ERBB4: variants seen among roughly 807,000 people sequenced by gnomAD.
The protein encoded by ERBB4 is receptor tyrosine-protein kinase erbB-4.
In ERBB4, 42 loss-of-function variants were observed where a neutral mutation model predicts 158.0. The observed-to-expected ratio is 0.27, with a 90% CI of 0.21 to 0.34. The LOEUF (loss-of-function observed/expected upper bound fraction) is 0.34. Ranked by LOEUF, ERBB4 falls within the 10% of genes least tolerant of loss-of-function variation. The pLI is 1.00. For missense variants in ERBB4, 1,333 were observed against 1,624.1 expected (o/e 0.82, Z 3.08); for synonymous variants, 583 against 558.7 (o/e 1.04, Z -0.61).
chr2:211,874,265 T>C (rs1402607839), intron 3 of ERBB4, among the ~76,000 whole-genome samples: 5 of 152,212 alleles, frequency 3.3e-5, no homozygotes, highest in Admixed American at 3.3e-4. Flanking sequence ...TAGCAGCCTC[T>C]AGTTCCTTTA....
At chr2:211,578,318 G>A (rs2067955225) in intron 19 of ERBB4, among the ~76,000 whole-genome samples, 1 of 152,074 alleles carries the variant, frequency 6.6e-6, no homozygotes, top group Non-Finnish European at 1.5e-5. Context: ...ACAAACAAGT[G>A]GAAACATATT....
intron 18 of ERBB4, 112 bp from the exon 19 acceptor site, chr2:211,619,387 C>G: frequency 1.5e-6 from 1 of 688,998 alleles, no homozygotes; most frequent in South Asian, 1.7e-5. Flanking sequence ...TTATTTAGCA[C>G]CTGTTACATG....
chr2:212,296,045 G>A (rs1169446171), intron 1 of ERBB4, among the ~76,000 whole-genome samples: 7 of 151,918 alleles, frequency 4.6e-5, no homozygotes. Context: ...AAGCTCTGTT[G>A]TCTTTCTGTA....
At chr2:212,187,421 T>TAATA (rs71054181) in intron 1 of ERBB4, among the ~76,000 whole-genome samples, 11,704 of 146,716 alleles carry the variant, frequency 0.08, 1,510 homozygotes, top group African/African-American at 0.27. Flanking sequence ...TAAAGTATAA[T>TAATA]AATAAATAAA....
chr2:211,430,865 G>T (rs199577245), intron 21 of ERBB4, 80 bp downstream of exon 21: 2 of 1,257,076 alleles, frequency 1.6e-6, no homozygotes, highest in Non-Finnish European at 2.3e-6. Flanking sequence ...AGGCTTATTG[G>T]TTTCTTGTAT....
At chr2:212,487,137 G>A (rs73067072) in intron 1 of ERBB4, among the ~76,000 whole-genome samples, 4,924 of 152,100 alleles carry the variant, frequency 0.032, 274 homozygotes, top group African/African-American at 0.11. Flanking sequence ...TTAATTCTCT[G>A]ATTCTACAAA....
chr2:211,621,196 TATTAA>T (rs1444243158), intron 18 of ERBB4, among the ~76,000 whole-genome samples: 1 of 152,012 alleles, frequency 6.6e-6, no homozygotes, highest in Non-Finnish European at 1.5e-5. Flanking sequence ...AATAAATATT[TATTAA>T]ATTATTCTTT....
chr2:212,204,270 G>T (rs531156430), intron 1 of ERBB4, among the ~76,000 whole-genome samples: 1 of 152,152 alleles, frequency 6.6e-6, no homozygotes, highest in African/African-American at 2.4e-5. Flanking sequence ...TGAGGCAAAA[G>T]ACTCTGTTTA....
intron 2 of ERBB4, among the ~76,000 whole-genome samples, chr2:212,026,375 C>T (rs2076772382): frequency 6.6e-6 from 1 of 151,552 alleles, no homozygotes; most frequent in Non-Finnish European, 1.5e-5. Context: ...GAATATTCAT[C>T]GTTGAGCTCA....
At chr2:212,020,641 A>G (rs2076628403) in intron 2 of ERBB4, among the ~76,000 whole-genome samples, 1 of 152,062 alleles carries the variant, frequency 6.6e-6, no homozygotes, top group South Asian at 2.1e-4. Flanking sequence ...TAGAGTTTTT[A>G]TTGCCTCATA....
intron 1 of ERBB4, among the ~76,000 whole-genome samples, chr2:212,194,367 G>A (rs1236435288): frequency 6.6e-6 from 1 of 151,396 alleles, no homozygotes; most frequent in Non-Finnish European, 1.5e-5. Flanking sequence ...CCTCAAGAAA[G>A]TTTGGGAATG....
intron 9 of ERBB4, among the ~76,000 whole-genome samples, chr2:211,709,254 C>CATAT (rs200613120): frequency 6.0e-4 from 61 of 101,538 alleles, no homozygotes; most frequent in African/African-American, 2.3e-3. Flanking sequence ...TATATATACA[C>CATAT]ATATATATAT....
chr2:211,860,393 G>A (rs1237651331), intron 3 of ERBB4, among the ~76,000 whole-genome samples: 1 of 152,080 alleles, frequency 6.6e-6, no homozygotes, highest in Non-Finnish European at 1.5e-5. Context: ...CAAGCACCAA[G>A]GAACTAATAA....
chr2:211,516,411 G>T (rs1386783132), intron 20 of ERBB4, among the ~76,000 whole-genome samples: 1 of 150,978 alleles, frequency 6.6e-6, no homozygotes, highest in African/African-American at 2.4e-5. Flanking sequence ...TTGGCTCAGT[G>T]CAACCTCTGC....
intron 20 of ERBB4, among the ~76,000 whole-genome samples, chr2:211,535,473 C>T (rs1459384186): frequency 1.3e-5 from 2 of 151,730 alleles, no homozygotes; most frequent in African/African-American, 4.8e-5. Context: ...GAACTAAAAA[C>T]AATAATTTGG....
At chr2:211,606,002 G>T (rs1179354270) in intron 19 of ERBB4, among the ~76,000 whole-genome samples, 2 of 151,816 alleles carry the variant, frequency 1.3e-5, no homozygotes, top group African/African-American at 4.8e-5. Context: ...GATTAAAATT[G>T]AAAAATGGAA....
intron 20 of ERBB4, among the ~76,000 whole-genome samples, chr2:211,542,479 T>C (rs1447937221): frequency 1.3e-5 from 2 of 151,976 alleles, no homozygotes; most frequent in African/African-American, 4.8e-5. Flanking sequence ...ACGTGACTTG[T>C]TTAGGCTCTT....
At chr2:211,854,180 G>C (rs1324891490) in intron 3 of ERBB4, among the ~76,000 whole-genome samples, 1 of 152,010 alleles carries the variant, frequency 6.6e-6, no homozygotes, top group Non-Finnish European at 1.5e-5. Flanking sequence ...AGAAAATATA[G>C]AGATGATTAT....
At chr2:211,818,289 T>A (rs1370134755) in intron 3 of ERBB4, among the ~76,000 whole-genome samples, 1 of 152,172 alleles carries the variant, frequency 6.6e-6, no homozygotes, top group Non-Finnish European at 1.5e-5. Context: ...TAGAGCCTGT[T>A]GGTGCAGAAG....
Sources: gnomAD v4.1 joint callset for allele counts (sites outside exome capture counted in the v4.1 genomes callset) on GRCh38, gnomAD v4.1.1 for gene constraint, MANE v1.5 for transcripts, NCBI Gene and HGNC (gene_info 2026-07-23, HGNC 2026-07-21) for gene names.